Variants in CNTNAP2 observed in about 807,000 individuals in gnomAD.
The protein encoded by CNTNAP2 is contactin associated protein 2, also known as contactin-associated protein-like 2.
A neutral mutation model predicts 155.2 loss-of-function variants in CNTNAP2; 98 were observed. That is an observed-to-expected ratio of 0.63 (90% CI 0.54 to 0.75). The LOEUF is 0.75. CNTNAP2 is among the 30% of genes least tolerant of loss of function. The pLI is 0.00. For missense variants in CNTNAP2, 1,727 were observed against 1,688.1 expected (o/e 1.02, Z -0.40); for synonymous variants, 651 against 631.2 (o/e 1.03, Z -0.47).
intron 1 of CNTNAP2, among the ~76,000 whole-genome samples, chr7:146,386,065 T>C (rs1207598149): frequency 1.3e-5 from 2 of 152,198 alleles, no homozygotes; most frequent in Non-Finnish European, 2.9e-5. Flanking sequence ...ACAGGACAAC[T>C]TGCTGTCCTG....
chr7:147,525,181 T>G (rs1799296288), intron 11 of CNTNAP2, among the ~76,000 whole-genome samples: 1 of 152,216 alleles, frequency 6.6e-6, no homozygotes, highest in East Asian at 1.9e-4. Context: ...CATACATCTT[T>G]AAGTTGAGAA....
chr7:146,656,135 C>A (rs987526349), intron 1 of CNTNAP2, among the ~76,000 whole-genome samples: 9 of 152,218 alleles, frequency 5.9e-5, no homozygotes, highest in African/African-American at 2.2e-4. Context: ...ACCAAAACAA[C>A]CTTCAATCAT....
intron 15 of CNTNAP2, among the ~76,000 whole-genome samples, chr7:147,987,365 A>G (rs1410216677): frequency 6.6e-6 from 1 of 152,220 alleles, no homozygotes; most frequent in Admixed American, 6.5e-5. Context: ...ACAGTTTGGA[A>G]AAAAGTCTTT....
chr7:146,964,696 A>G (rs962391716), intron 3 of CNTNAP2, among the ~76,000 whole-genome samples: 1 of 152,212 alleles, frequency 6.6e-6, no homozygotes, highest in African/African-American at 2.4e-5. Flanking sequence ...TTTTATGTAC[A>G]GCAGGGGTTC....
At chr7:147,569,825 G>A (rs1313892617) in intron 12 of CNTNAP2, among the ~76,000 whole-genome samples, 1 of 152,222 alleles carries the variant, frequency 6.6e-6, no homozygotes, top group Non-Finnish European at 1.5e-5. Context: ...CAGGTGACCT[G>A]GGTCAACTGC....
In CNTNAP2 at chr7:146,193,781, G is replaced by A. The variant is rs570302075; in HGVS notation, c.97+76808G>A. 7.9e-5 allele frequency among the ~76,000 whole-genome samples: 12 copies of A among 152,236 alleles called. No homozygotes were observed. In the East Asian group the frequency reaches 2.3e-3, roughly 29 times the overall value. The stretch of plus-strand genomic sequence containing the variant: ...AACTTGTATTTCTCCTCAGAAAATG[G>A]GTTTTCCTTTTCTATTGCCGTGTCA... On this transcript the variant is annotated intron_variant, in intron 1 of 23. Coordinates refer to ENST00000361727, the MANE Select transcript of CNTNAP2 (RefSeq NM_014141.6).
intron 21 of CNTNAP2, among the ~76,000 whole-genome samples, chr7:148,382,004 C>T (rs372993856): frequency 1.3e-5 from 2 of 152,328 alleles, no homozygotes; most frequent in East Asian, 3.9e-4. Context: ...TTTTGTGACC[C>T]TGCTGCCTTA....
chr7:147,664,258 C>A (rs1310548032), intron 13 of CNTNAP2, among the ~76,000 whole-genome samples: 1 of 152,116 alleles, frequency 6.6e-6, no homozygotes, highest in Admixed American at 6.5e-5. Flanking sequence ...TTCATCTCGC[C>A]CCTAAGAATT....
intron 11 of CNTNAP2, among the ~76,000 whole-genome samples, chr7:147,516,051 T>C (rs1366850210): frequency 6.6e-6 from 1 of 152,224 alleles, no homozygotes; most frequent in African/African-American, 2.4e-5. Context: ...TAAGTCTGAC[T>C]CTATTGCTGC....
At chr7:146,239,663 TTAA>T (rs1799528558) in intron 1 of CNTNAP2, among the ~76,000 whole-genome samples, 1 of 152,190 alleles carries the variant, frequency 6.6e-6, no homozygotes, top group Admixed American at 6.6e-5. Context: ...AATTAATAAT[TTAA>T]TAATAATGTC....
intron 9 of CNTNAP2, among the ~76,000 whole-genome samples, chr7:147,307,135 G>A (rs940955364): frequency 2.0e-5 from 3 of 152,162 alleles, no homozygotes; most frequent in Non-Finnish European, 4.4e-5. Context: ...TTCCCAGAGA[G>A]TTGTTTACGC....
At chr7:148,179,955 C>CA (rs1444308327) in intron 18 of CNTNAP2, among the ~76,000 whole-genome samples, 3 of 152,190 alleles carry the variant, frequency 2.0e-5, no homozygotes, top group African/African-American at 7.2e-5. Flanking sequence ...TTCTGTTCCA[C>CA]AGCTCTCAGT....
intron 3 of CNTNAP2, among the ~76,000 whole-genome samples, chr7:147,037,687 GT>G (rs1799182570): frequency 6.6e-6 from 1 of 151,776 alleles, no homozygotes; most frequent in South Asian, 2.1e-4. Flanking sequence ...CTCTGAGTCT[GT>G]TTCCTGATTT....
chr7:148,207,093 C>T (rs1373486595), intron 18 of CNTNAP2, among the ~76,000 whole-genome samples: 1 of 152,232 alleles, frequency 6.6e-6, no homozygotes, highest in Non-Finnish European at 1.5e-5. Context: ...TTGCTTTTGT[C>T]ATCAGCATGA....
rs1269490407 is a variant in CNTNAP2, at chr7:148,403,717, G to T, written c.3716-5674G>T. On this transcript the variant is annotated intron_variant, in intron 22 of 23. Coordinates refer to ENST00000361727, the MANE Select transcript of CNTNAP2 (RefSeq NM_014141.6). ...TTTCCAAGAGGATGTTTGTTCCCAG[G>T]GGAAAGGTCAGTGGCAATAAAATGT... Among the ~76,000 whole-genome samples, 4 of 152,296 alleles carry T rather than the reference G, an allele frequency of 2.6e-5. No individual in the cohort carries two copies. The East Asian group carries it at 7.7e-4, about 29-fold the overall frequency.
chr7:147,319,726 T>C (rs1421172689), intron 9 of CNTNAP2, among the ~76,000 whole-genome samples: 1 of 152,112 alleles, frequency 6.6e-6, no homozygotes, highest in South Asian at 2.1e-4. Flanking sequence ...ATTATAGATA[T>C]AATAATATTA....
At chr7:146,394,795 A>G (rs1273143525) in intron 1 of CNTNAP2, among the ~76,000 whole-genome samples, 1 of 152,106 alleles carries the variant, frequency 6.6e-6, no homozygotes, top group African/African-American at 2.4e-5. Flanking sequence ...GTTTTGTTTC[A>G]TGCATATATT....
intron 14 of CNTNAP2, chr7:147,940,009 G>A (rs1324423485): frequency 2.6e-5 from 4 of 152,162 alleles, no homozygotes; most frequent in African/African-American, 9.7e-5. Flanking sequence ...TTAGAGCCAA[G>A]CATGGTGGCG....
At chr7:146,222,862 T>C (rs571594164) in intron 1 of CNTNAP2, among the ~76,000 whole-genome samples, 2 of 151,970 alleles carry the variant, frequency 1.3e-5, no homozygotes, top group East Asian at 3.9e-4. Context: ...GGTTTTACCA[T>C]GTTAGCCAGG....
Sources: gnomAD v4.1 joint callset for allele counts (sites outside exome capture counted in the v4.1 genomes callset) on GRCh38, gnomAD v4.1.1 for gene constraint, MANE v1.5 for transcripts, NCBI Gene and HGNC (gene_info 2026-07-23, HGNC 2026-07-21) for gene names.